The following PHF21A variants were observed in gnomAD, a reference collection of about 807,000 sequenced individuals.
The protein encoded by PHF21A is BHC80a.
Under a neutral mutation model 82.5 loss-of-function variants are expected in PHF21A, and 11 were observed. The ratio of observed to expected loss-of-function variants is 0.13; its 90% CI spans 0.08 to 0.22. The LOEUF is 0.22. Ranked by LOEUF, PHF21A falls within the 10% of genes least tolerant of loss-of-function variation. The pLI is 1.00. For missense variants in PHF21A, 579 were observed against 837.8 expected (o/e 0.69, Z 3.81); for synonymous variants, 297 against 302.8 (o/e 0.98, Z 0.20).
At position 46,084,253 on chromosome 11, in the gene PHF21A, TAGTTTCTTC is replaced by T. The variant is rs2096829027; in HGVS notation, c.-43_-35del. 3.2e-6 allele frequency: 5 copies of T among 1,553,672 alleles called. No homozygotes were observed. Among genetic ancestry groups the T allele is most frequent in the Non-Finnish European group, 8.8e-7 (1 of 1,140,648 alleles). ...TTCTCCACTTTCTCTGCTAATTCTA[TAGTTTCTTC>T]AGCCTCTGTTTAAAGTAACAAACTC... On this transcript the variant is annotated 5_prime_UTR_variant, in exon 4 of 19. Coordinates refer to ENST00000676320, the MANE Select transcript of PHF21A (RefSeq NM_001352027.3).
intron 6 of PHF21A, among the ~76,000 whole-genome samples, chr11:45,981,940 C>CTTTTTTTTTTTTTTTTTTTT (rs754937092): frequency 1.5e-4 from 12 of 78,266 alleles, no homozygotes; most frequent in African/African-American, 2.0e-4. Context: ...TTTTGTTTTT[C>CTTTTTTTTTTTTTTTTTTTT]TTTTTTTTTT....
chr11:45,962,290 T>C lies in PHF21A; in HGVS notation c.996+3025A>G, dbSNP rs528380918. 1.7e-4 allele frequency among the ~76,000 whole-genome samples: 18 copies of C among 105,928 alleles called. No homozygotes were observed. In the South Asian group the frequency reaches 1.9e-3, roughly 11 times the overall value. 69.5% of individuals were successfully genotyped at this position (105,928 alleles called of 152,430 possible). On this transcript the variant is annotated intron_variant, in intron 10 of 18. Transcript: ENST00000676320. ...ATTTAGCCTGGTCATAGAGAGAACGTTGGATACGGGTTTGGTAACTGTGAA... is the reference window on the plus strand; with the variant it reads ...ATTTAGCCTGGTCATAGAGAGAACGCTGGATACGGGTTTGGTAACTGTGAA...
intron 7 of PHF21A, among the ~76,000 whole-genome samples, chr11:45,976,291 T>C (rs2094018852): frequency 6.6e-6 from 1 of 152,202 alleles, no homozygotes; most frequent in Admixed American, 6.5e-5. Flanking sequence ...ACAAGTACTT[T>C]CTGATCCCTC....
At chr11:46,104,359 T>A (rs988961556) in intron 1 of PHF21A, among the ~76,000 whole-genome samples, 1 of 152,100 alleles carries the variant, frequency 6.6e-6, no homozygotes, top group Non-Finnish European at 1.5e-5. Flanking sequence ...AGAGACCTAC[T>A]ATAAACTGCA....
chr11:46,105,259 C>G (rs1052621231), intron 1 of PHF21A, among the ~76,000 whole-genome samples: 1 of 152,142 alleles, frequency 6.6e-6, no homozygotes, highest in African/African-American at 2.4e-5. Flanking sequence ...CCCCTTCACT[C>G]GAATTACATG....
chr11:46,071,143 A>G (rs2096652584), intron 6 of PHF21A, among the ~76,000 whole-genome samples: 1 of 152,242 alleles, frequency 6.6e-6, no homozygotes, highest in African/African-American at 2.4e-5. Context: ...AGGCTTGGCC[A>G]TGTGGCTTCT....
At chr11:46,074,725 A>AC (rs1021923454) in intron 6 of PHF21A, among the ~76,000 whole-genome samples, 22 of 152,222 alleles carry the variant, frequency 1.4e-4, no homozygotes, top group African/African-American at 5.3e-4. Context: ...CTAGTCTCGA[A>AC]CCCCTGACCT....
chr11:46,055,702 T>C (rs561196873), intron 6 of PHF21A, among the ~76,000 whole-genome samples: 1 of 152,286 alleles, frequency 6.6e-6, no homozygotes, highest in South Asian at 2.1e-4. Context: ...ATGGAATCTC[T>C]TTATATAAAC....
intron 6 of PHF21A, among the ~76,000 whole-genome samples, chr11:46,027,822 G>A (rs2095782499): frequency 1.3e-5 from 2 of 152,078 alleles, no homozygotes; most frequent in Admixed American, 6.6e-5. Context: ...AATTCACACT[G>A]GAAAAATACT....
At chr11:45,981,279 AGCAGGCT>A (rs2136316083) in intron 6 of PHF21A, among the ~76,000 whole-genome samples, 1 of 151,402 alleles carries the variant, frequency 6.6e-6, no homozygotes, top group South Asian at 2.1e-4. Context: ...CCAGCTACTC[AGCAGGCT>A]GAGGCAGGAG....
At chr11:45,943,911 A>G (rs79409023) in intron 15 of PHF21A, among the ~76,000 whole-genome samples, 12 of 152,094 alleles carry the variant, frequency 7.9e-5, no homozygotes, top group African/African-American at 2.9e-4. Flanking sequence ...TACTGCTGAG[A>G]AAAAAAATCA....
Position 46,053,561 on chromosome 11 carries a change from T to G in PHF21A, c.153+23193A>C, listed in dbSNP as rs190758045. ...TATATAATTATATGTATACCATGACTGGTAAAAAGAACCCCATGGCTCAGC... is the reference window on the plus strand; with the variant it reads ...TATATAATTATATGTATACCATGACGGGTAAAAAGAACCCCATGGCTCAGC... On this transcript the variant is annotated intron_variant, in intron 6 of 18. Coordinates refer to ENST00000676320, the MANE Select transcript of PHF21A (RefSeq NM_001352027.3). 6.8e-3 allele frequency among the ~76,000 whole-genome samples: 1,037 copies of G among 152,128 alleles called. 10 individuals are homozygous for G. The highest frequency in any genetic ancestry group is 0.024 in the African/African-American group (988 of 41,522).
At chr11:46,100,214 C>T (rs2097074511) in intron 1 of PHF21A, among the ~76,000 whole-genome samples, 1 of 151,750 alleles carries the variant, frequency 6.6e-6, no homozygotes, top group Admixed American at 6.6e-5. Context: ...GCCTTTAAGA[C>T]CAAAAATATG....
chr11:46,057,231 A>T (rs1243844929), intron 6 of PHF21A, among the ~76,000 whole-genome samples: 3 of 152,190 alleles, frequency 2.0e-5, no homozygotes, highest in Non-Finnish European at 4.4e-5. Context: ...CTACATAAGC[A>T]GTTGCCCTAT....
Position 45,934,057 on chromosome 11 carries a change from G to C in PHF21A, c.1957C>G (p.Pro653Ala), listed in dbSNP as rs151090965. The stretch of plus-strand genomic sequence containing the variant: ...GGCGTGGAGGTGGCGGCATTGGCAG[G>C]GGGGGTGCAGTCCGGGCCATTGGAG... ...AISNGPDCTP[P>A]ANAATSTPAP... Residue 653 changes from proline to alanine, a missense_variant, in exon 19 of 19, where the codon CCT becomes GCT. By Grantham distance (27) the Pro-to-Ala change is conservative (BLOSUM62 -1). This residue lies in a region of PHF21A where 157 missense variants were observed against 149.4 expected (regional missense o/e 1.05). Transcript: ENST00000676320. 2.9e-5 allele frequency: 46 copies of C among 1,613,958 alleles called. No individual in the cohort carries two copies. In the East Asian group the frequency reaches 7.8e-4, roughly 27 times the overall value.
chr11:45,964,311 T>C (rs1412713341), intron 10 of PHF21A, among the ~76,000 whole-genome samples: 1 of 151,942 alleles, frequency 6.6e-6, no homozygotes, highest in Non-Finnish European at 1.5e-5. Context: ...TGTTCTTGTG[T>C]TTCCTAAGCA....
At chr11:46,027,615 G>C (rs1030740141) in intron 6 of PHF21A, among the ~76,000 whole-genome samples, 1 of 152,156 alleles carries the variant, frequency 6.6e-6, no homozygotes, top group Non-Finnish European at 1.5e-5. Flanking sequence ...GAAATGCACT[G>C]CTTAAGATCT....
At chr11:46,037,640 CAAAAAA>C (rs1000939610) in intron 6 of PHF21A, among the ~76,000 whole-genome samples, 2 of 59,062 alleles carry the variant, frequency 3.4e-5, no homozygotes, top group Non-Finnish European at 8.0e-5. Flanking sequence ...AACGTCATCT[CAAAAAA>C]AAAAAAAAAA....
intron 1 of PHF21A, among the ~76,000 whole-genome samples, chr11:46,097,373 T>A (rs959241): frequency 1.3e-5 from 2 of 152,004 alleles, no homozygotes; most frequent in African/African-American, 4.8e-5. Flanking sequence ...CGCTCAATCC[T>A]TTCCAGCAAC....
Sources: gnomAD v4.1 joint callset for allele counts (sites outside exome capture counted in the v4.1 genomes callset) on GRCh38, gnomAD v4.1.1 for gene constraint, gnomAD v4.1.1 regional missense constraint, MANE v1.5 for transcripts, NCBI Gene and HGNC (gene_info 2026-07-23, HGNC 2026-07-21) for gene names.